Variants in CCDC34 observed in about 807,000 individuals in gnomAD.
CCDC34 encodes coiled-coil domain containing 34, also known as coiled-coil domain-containing protein 34.
Under a neutral mutation model 44.1 loss-of-function variants are expected in CCDC34, and 40 were observed. The observed-to-expected ratio is 0.91, with a 90% confidence interval of 0.70 to 1.18. The LOEUF is 1.18. CCDC34 is among the 50% of genes most tolerant of loss of function. CCDC34 has a pLI of 0.00. For missense variants in CCDC34, 466 were observed against 452.3 expected (o/e 1.03, Z -0.28); for synonymous variants, 159 against 158.2 (o/e 1.01, Z -0.04).
intron 2 of CCDC34, among the ~76,000 whole-genome samples, chr11:27,352,932 T>C (rs533550427): frequency 6.6e-6 from 1 of 152,300 alleles, no homozygotes; most frequent in Admixed American, 6.5e-5. Context: ...TGGCCCTTCT[T>C]AGAATTTCCC....
At chr11:27,361,558 G>A (rs1360248507) in intron 1 of CCDC34, among the ~76,000 whole-genome samples, 1 of 152,212 alleles carries the variant, frequency 6.6e-6, no homozygotes, top group African/African-American at 2.4e-5. Context: ...AGGTTGATCA[G>A]AGGAGGCCTG....
intron 3 of CCDC34, among the ~76,000 whole-genome samples, chr11:27,343,180 C>G (rs189844187): frequency 5.9e-4 from 90 of 152,242 alleles, no homozygotes; most frequent in Non-Finnish European, 1.2e-3. Flanking sequence ...GCAGGTGGAT[C>G]ACCTGAGGTC....
At chr11:27,361,834 A>G (rs1169020366) in intron 1 of CCDC34, among the ~76,000 whole-genome samples, 3 of 152,148 alleles carry the variant, frequency 2.0e-5, no homozygotes. Context: ...ACTGTGCCTT[A>G]CACAGCTTGA....
intron 2 of CCDC34, among the ~76,000 whole-genome samples, chr11:27,354,345 T>C (rs1034631916): frequency 1.3e-5 from 2 of 152,370 alleles, no homozygotes; most frequent in South Asian, 4.1e-4. Flanking sequence ...TTTTAATCTG[T>C]TCTCAAAACA....
chr11:27,356,068 G>T (rs1189888842), intron 2 of CCDC34, among the ~76,000 whole-genome samples: 2 of 135,984 alleles, frequency 1.5e-5, no homozygotes, highest in Non-Finnish European at 3.1e-5. Flanking sequence ...GGCCAGGCTG[G>T]AGTACAATGG....
intron 4 of CCDC34, 103 bp downstream of exon 4, chr11:27,341,289 C>T (rs949996651): frequency 1.6e-5 from 11 of 688,192 alleles, no homozygotes; most frequent in East Asian, 1.1e-4. Flanking sequence ...TTATTTTATG[C>T]TAAGATAGTG....
In CCDC34 at chr11:27,338,799, A is replaced by G; in HGVS notation, c.*22T>C. ...TTTAAATTAAATAGCTCCAGATAAA[A>G]GCATGTTATTTTCCACATACGCTAT... On this transcript the variant is annotated 3_prime_UTR_variant, in exon 6 of 6. Coordinates refer to ENST00000328697, the MANE Select transcript of CCDC34 (RefSeq NM_030771.2). 1 of 1,576,878 alleles carries G rather than the reference A, an allele frequency of 6.3e-7. No homozygotes were observed. Among genetic ancestry groups the G allele is most frequent in the Non-Finnish European group, 8.7e-7 (1 of 1,149,416 alleles).
chr11:27,351,697 T>A (rs555122137), intron 2 of CCDC34, among the ~76,000 whole-genome samples: 1 of 152,278 alleles, frequency 6.6e-6, no homozygotes, highest in East Asian at 1.9e-4. Context: ...ACTAAAGAAA[T>A]AAGTGCTACA....
chr11:27,352,645 A>G (rs1234238523), intron 2 of CCDC34, among the ~76,000 whole-genome samples: 1 of 152,202 alleles, frequency 6.6e-6, no homozygotes, highest in Non-Finnish European at 1.5e-5. Context: ...ATTTAAATGT[A>G]TAACTAAAGA....
chr11:27,359,993 G>A (rs1280850343), intron 1 of CCDC34, among the ~76,000 whole-genome samples: 2 of 152,174 alleles, frequency 1.3e-5, no homozygotes, highest in African/African-American at 4.8e-5. Context: ...CTAGAATATA[G>A]TAGGGTCCTA....
intron 2 of CCDC34, among the ~76,000 whole-genome samples, chr11:27,355,913 C>G: frequency 6.6e-6 from 1 of 151,064 alleles, no homozygotes; most frequent in East Asian, 1.9e-4. Flanking sequence ...GGACATGTGA[C>G]TGCTTGCCTG....
intron 1 of CCDC34, among the ~76,000 whole-genome samples, chr11:27,359,909 T>C (rs1862637604): frequency 6.6e-6 from 1 of 152,228 alleles, no homozygotes; most frequent in Non-Finnish European, 1.5e-5. Flanking sequence ...TGCTCATCTC[T>C]GCCACAGGTC....
intron 3 of CCDC34, among the ~76,000 whole-genome samples, chr11:27,346,498 G>GGAAGGAAA (rs1862437776): frequency 6.7e-6 from 1 of 148,882 alleles, no homozygotes; most frequent in South Asian, 2.1e-4. Context: ...AAGGAAGGAA[G>GGAAGGAAA]GAAGGAAGGA....
intron 2 of CCDC34, among the ~76,000 whole-genome samples, chr11:27,350,661 G>A (rs1396526161): frequency 1.3e-5 from 2 of 152,156 alleles, no homozygotes; most frequent in African/African-American, 4.8e-5. Context: ...ATAATTGCTT[G>A]GCAGCAAAAC....
intron 4 of CCDC34, among the ~76,000 whole-genome samples, chr11:27,341,172 T>C (rs1234099548): frequency 6.6e-6 from 1 of 152,222 alleles, no homozygotes; most frequent in African/African-American, 2.4e-5. Flanking sequence ...GTTTTAAACC[T>C]GACTGAAAAA....
intron 5 of CCDC34, among the ~76,000 whole-genome samples, chr11:27,340,142 T>G (rs1389329052): frequency 6.6e-6 from 1 of 152,182 alleles, no homozygotes; most frequent in Non-Finnish European, 1.5e-5. Context: ...ATGGGAGTAT[T>G]TTAATAATAA....
chr11:27,350,302 C>T, intron 3 of CCDC34, 30 bp downstream of exon 3: 2 of 1,613,766 alleles, frequency 1.2e-6, no homozygotes, highest in South Asian at 2.2e-5. Context: ...AAAGAGATGT[C>T]AATGTGTGTA....
intron 3 of CCDC34, among the ~76,000 whole-genome samples, chr11:27,345,896 C>T (rs1337373744): frequency 2.0e-5 from 3 of 151,884 alleles, no homozygotes; most frequent in Admixed American, 2.0e-4. Flanking sequence ...GTTTACAGTC[C>T]CACCAACAGT....
chr11:27,359,508 AGACG>A (rs1232311516), intron 1 of CCDC34, among the ~76,000 whole-genome samples: 1 of 147,758 alleles, frequency 6.8e-6, no homozygotes, highest in Non-Finnish European at 1.5e-5. Flanking sequence ...CTTTTTTTTG[AGACG>A]GTGTCTCCCT....
Sources: allele counts gnomAD v4.1 joint callset (sites outside exome capture counted in the v4.1 genomes callset), GRCh38; gene constraint gnomAD v4.1.1; transcripts MANE v1.5; gene names NCBI Gene and HGNC (gene_info 2026-07-23, HGNC 2026-07-21).